STAG2: variants seen among roughly 807,000 people sequenced by gnomAD.
The protein encoded by STAG2 is STAG2 cohesin complex component, also known as cohesin subunit SA-2.
In STAG2, 14 loss-of-function variants were observed where a neutral mutation model predicts 108.1. The ratio of observed to expected loss-of-function variants is 0.13; its 90% confidence interval spans 0.09 to 0.20. STAG2 has a LOEUF of 0.20. Among genes scored for constraint, STAG2 ranks in the 10% least tolerant of loss-of-function variants. The pLI is 1.00. For synonymous variants in STAG2, 307 were observed against 302.7 expected, an observed-to-expected ratio of 1.01 and a Z score of -0.15; for missense variants, 440 against 940.9, an observed-to-expected ratio of 0.47 and a Z score of 6.96.
chrX:124,012,941 T>C (rs1180650401), intron 1 of STAG2, among the ~76,000 whole-genome samples: 1 of 111,752 alleles, frequency 8.9e-6, no homozygotes, highest in Non-Finnish European at 1.9e-5. Flanking sequence ...ATTGAGAGTA[T>C]GTGAAATGAA....
intron 1 of STAG2, among the ~76,000 whole-genome samples, chrX:123,969,731 C>T (rs1378846023): frequency 1.8e-5 from 2 of 109,446 alleles, no homozygotes; most frequent in African/African-American, 3.3e-5. Flanking sequence ...CTGCAACCTC[C>T]GCCTCCCAGG....
At chrX:123,985,068 A>G (rs1390068860) in intron 1 of STAG2, among the ~76,000 whole-genome samples, 1 of 112,131 alleles carries the variant, frequency 8.9e-6, no homozygotes, top group African/African-American at 3.2e-5. Context: ...GAGATCTGAG[A>G]GGCTTGTCAG....
chrX:124,022,232 A>G (rs906124255), intron 2 of STAG2, among the ~76,000 whole-genome samples: 10 of 110,445 alleles, frequency 9.1e-5, no homozygotes, highest in African/African-American at 3.3e-4. Context: ...TTAGCTGGTC[A>G]TGGTGGCCCG....
At chrX:124,069,577 T>G (rs2058618437) in intron 24 of STAG2, among the ~76,000 whole-genome samples, 1 of 112,060 alleles carries the variant, frequency 8.9e-6, no homozygotes, top group South Asian at 3.7e-4. Context: ...TTTGGATTTT[T>G]ATAGTTTAAA....
intron 1 of STAG2, among the ~76,000 whole-genome samples, chrX:123,975,492 C>T (rs1422323884): frequency 8.9e-6 from 1 of 111,911 alleles, no homozygotes; most frequent in Non-Finnish European, 1.9e-5. Flanking sequence ...GCCAGAGTTT[C>T]GCTCTTGTTG....
chrX:123,994,992 C>T (rs1213378156), intron 1 of STAG2, among the ~76,000 whole-genome samples: 1 of 111,667 alleles, frequency 9.0e-6, no homozygotes, highest in Non-Finnish European at 1.9e-5. Flanking sequence ...TCGTATAATA[C>T]AGAAACAACA....
intron 1 of STAG2, among the ~76,000 whole-genome samples, chrX:123,973,749 CAGG>C (rs1348618260): frequency 9.4e-6 from 1 of 106,907 alleles, no homozygotes; most frequent in African/African-American, 3.4e-5. Context: ...GAGGCTGAGG[CAGG>C]AGAATTGCTT....
intron 1 of STAG2, among the ~76,000 whole-genome samples, chrX:123,980,045 C>A (rs1301237832): frequency 2.7e-5 from 3 of 111,490 alleles, no homozygotes; most frequent in Non-Finnish European, 5.7e-5. Context: ...GAATGCATAC[C>A]CTTTTTGTTT....
chrX:124,037,478 G>A, intron 5 of STAG2, 49 bp from the exon 6 acceptor site: 1 of 866,169 alleles, frequency 1.2e-6, no homozygotes, highest in Non-Finnish European at 1.6e-6. Context: ...AATTGATTTT[G>A]AGAAAATTAG....
chrX:124,086,154 A>AG lies in STAG2; in HGVS notation c.3054-391dup, dbSNP rs757859332. Among the ~76,000 whole-genome samples, 557 of 12,719 alleles carry AG rather than the reference A, an allele frequency of 0.044. 4 individuals are homozygous for AG. The South Asian group carries it at 0.48, about 11-fold the overall frequency. The allele number at this position is 12,719 out of a possible 115,157, so 11.0% of individuals were successfully genotyped here. ...ATTGTAAGAATAGTTAAGGAACCTG[A>AG]GGAAAAAAAAAATATCTAGCACATA... On this transcript the variant is annotated intron_variant, in intron 29 of 34. Transcript: ENST00000371145.
chrX:124,003,432 A>G (rs1314167892), intron 1 of STAG2: 1 of 109,603 alleles, frequency 9.1e-6, no homozygotes, highest in African/African-American at 3.3e-5. Context: ...TTTTTAATAT[A>G]TTTTTTGAGA....
chrX:124,058,367 C>A (rs918376430), intron 15 of STAG2, among the ~76,000 whole-genome samples: 3 of 111,281 alleles, frequency 2.7e-5, no homozygotes, highest in Non-Finnish European at 5.7e-5. Flanking sequence ...CCAGGCTGGT[C>A]TTAAACTCCT....
intron 4 of STAG2, among the ~76,000 whole-genome samples, chrX:124,027,991 A>T (rs557839871): frequency 1.8e-5 from 2 of 111,422 alleles, no homozygotes; most frequent in Admixed American, 1.9e-4. Flanking sequence ...TTAGTTTTTC[A>T]TACTGACAGG....
chrX:124,024,928 C>T (rs1262682956), intron 3 of STAG2, among the ~76,000 whole-genome samples: 2 of 111,617 alleles, frequency 1.8e-5, no homozygotes, highest in Non-Finnish European at 3.8e-5. Context: ...TTGCTTTAAG[C>T]ATTTAAATGA....
At chrX:124,001,136 G>C (rs1020520089) in intron 1 of STAG2, among the ~76,000 whole-genome samples, 1 of 110,860 alleles carries the variant, frequency 9.0e-6, no homozygotes, top group Non-Finnish European at 1.9e-5. Flanking sequence ...TGTCACCCAG[G>C]CTGGAGTGCA....
chrX:123,995,452 T>C (rs1447745110), intron 1 of STAG2, among the ~76,000 whole-genome samples: 1 of 111,493 alleles, frequency 9.0e-6, no homozygotes, highest in African/African-American at 3.3e-5. Context: ...CTCAGCACTT[T>C]GGGAGGCCGA....
At chrX:123,993,077 T>C (rs1337140167) in intron 1 of STAG2, among the ~76,000 whole-genome samples, 1 of 111,787 alleles carries the variant, frequency 8.9e-6, no homozygotes, top group Non-Finnish European at 1.9e-5. Flanking sequence ...TGATACCTTG[T>C]ATTTTTCTTA....
intron 6 of STAG2, among the ~76,000 whole-genome samples, chrX:124,042,097 G>A (rs2057737813): frequency 9.0e-6 from 1 of 111,343 alleles, no homozygotes; most frequent in Admixed American, 9.6e-5. Flanking sequence ...GAGGATATTA[G>A]GATGTAGTTA....
At chrX:124,042,879 G>A (rs1029482632) in intron 7 of STAG2, among the ~76,000 whole-genome samples, 1 of 107,510 alleles carries the variant, frequency 9.3e-6, no homozygotes, top group Admixed American at 1.0e-4. Context: ...GCCGGGAGTC[G>A]TGGTGTGTGC....
Sources: gnomAD v4.1 joint callset for allele counts (sites outside exome capture counted in the v4.1 genomes callset) on GRCh38, gnomAD v4.1.1 for gene constraint, MANE v1.5 for transcripts, NCBI Gene and HGNC (gene_info 2026-07-23, HGNC 2026-07-21) for gene names.